Variants in ACBD5 observed in about 807,000 individuals in gnomAD.
ACBD5 encodes acyl-CoA-binding domain-containing protein 5.
Under a neutral mutation model 71.8 loss-of-function variants are expected in ACBD5, and 40 were observed. That is an observed-to-expected ratio of 0.56 (90% confidence interval 0.43 to 0.72). ACBD5 has a LOEUF of 0.72. ACBD5 is among the 30% of genes least tolerant of loss of function. The pLI, the probability that ACBD5 is intolerant of heterozygous loss-of-function variation, is 0.00. For missense variants in ACBD5, 559 were observed against 644.5 expected (o/e 0.87, Z 1.44); for synonymous variants, 229 against 218.6 (o/e 1.05, Z -0.42).
Position 27,211,059 on chromosome 10 carries a change from T to C in ACBD5, c.959A>G (p.Asn320Ser), listed in dbSNP as rs776270021. 8 of 1,614,058 alleles carry C rather than the reference T, an allele frequency of 5.0e-6. No homozygotes were observed. The South Asian group carries it at 7.7e-5, about 16-fold the overall frequency. Residue 320 changes from asparagine (N) to serine (S), a missense_variant, in exon 9 of 13, where the codon AAC becomes AGC. Physicochemically the swap from Asn to Ser is conservative, Grantham distance 46. Coordinates refer to ENST00000396271, the MANE Select transcript of ACBD5 (RefSeq NM_145698.5). ...QEESLDSFTS[N>S]NGPFQYYLGG... is the part of the protein sequence containing the mutation. ...CAAGTAATACTGAAATGGTCCATTGTTGGACGTAAAGCTGTCTAAAGACTA... is the reference window on the plus strand; with the variant it reads ...CAAGTAATACTGAAATGGTCCATTGCTGGACGTAAAGCTGTCTAAAGACTA...
chr10:27,192,742 C>A (rs1467084058), downstream of ACBD5, among the ~76,000 whole-genome samples: 3 of 152,082 alleles, frequency 2.0e-5, no homozygotes, highest in Admixed American at 1.3e-4. Flanking sequence ...GAGGCCGAGG[C>A]GGGTGGATCA....
intron 8 of ACBD5, among the ~76,000 whole-genome samples, chr10:27,213,470 C>T (rs1175503019): frequency 1.3e-5 from 2 of 152,056 alleles, no homozygotes; most frequent in African/African-American, 4.8e-5. Flanking sequence ...AAAAAACAAA[C>T]AAACAAGCCG....
chr10:27,205,215 G>T lies in ACBD5; in HGVS notation c.1438C>A (p.Pro480Thr), dbSNP rs775522108. The change falls in exon 11 of 13, where the codon CCT becomes ACT. Residue 480 changes from proline to threonine, a missense_variant. Physicochemically the swap from Pro to Thr is conservative, Grantham distance 38. Transcript: ENST00000396271. The part of the protein sequence containing the change: ...KSSTSTLQTA[P>T]QPTSQRPSWW... ...TGTCTTACCTGTGAGGTGGGCTGAG[G>T]AGCAGTCTGCAATGTTGATGTTGAT... 1.1e-5 allele frequency: 17 copies of T among 1,613,028 alleles called. No individual in the cohort carries two copies. Among genetic ancestry groups the T allele is most frequent in the Non-Finnish European group, 1.4e-5 (16 of 1,179,616 alleles).
At chr10:27,227,704 C>CTTTA (rs748616696) in intron 4 of ACBD5, among the ~76,000 whole-genome samples, 218 of 152,030 alleles carry the variant, frequency 1.4e-3, no homozygotes, top group Non-Finnish European at 2.4e-3. Flanking sequence ...CAGGTTCCAT[C>CTTTA]TTTATTTATT....
intron 3 of ACBD5, among the ~76,000 whole-genome samples, chr10:27,233,097 C>T (rs2064114361): frequency 6.6e-6 from 1 of 152,094 alleles, no homozygotes; most frequent in African/African-American, 2.4e-5. Flanking sequence ...GGTGAAGAAA[C>T]TGAGCATCAC....
Position 27,220,403 on chromosome 10 carries a change from T to C in ACBD5, c.491-546A>G, listed in dbSNP as rs145051021. The C allele has an allele frequency of 5.2e-3, 805 of 153,600 alleles. 4 individuals are homozygous for C. The highest frequency in any genetic ancestry group is 8.1e-3 in the Non-Finnish European group (562 of 69,092). The allele number at this position is 153,600 out of a possible 1,614,324, so 9.5% of individuals were successfully genotyped here. ...CAAATTGTCCAAGTGGCCAAAGCTA[T>C]ATCCCGAGGGTAAATACATCAGAGC... On this transcript the variant is annotated intron_variant, in intron 5 of 12. Coordinates refer to ENST00000396271, the MANE Select transcript of ACBD5 (RefSeq NM_145698.5).
At chr10:27,187,190 C>G (rs549433343) in intron 13 of ACBD5, among the ~76,000 whole-genome samples, 1 of 152,164 alleles carries the variant, frequency 6.6e-6, no homozygotes, top group African/African-American at 2.4e-5. Context: ...GTCCCAGCTA[C>G]TCTGGAGGCT....
At position 27,197,364 on chromosome 10, in the gene ACBD5, C is replaced by T. The variant is rs1175050657; in HGVS notation, c.*66G>A. 3.3e-6 allele frequency: 5 copies of T among 1,499,358 alleles called. No individual in the cohort carries two copies. In the African/African-American group the frequency reaches 6.9e-5, roughly 21 times the overall value. The allele number at this position is 1,499,358 out of a possible 1,614,324, so 92.9% of individuals were successfully genotyped here. On this transcript the variant is annotated 3_prime_UTR_variant, in exon 13 of 13. Coordinates refer to ENST00000396271, the MANE Select transcript of ACBD5 (RefSeq NM_145698.5). ...ACAAACTAAGATTTTCTTGTGAACA[C>T]CACAATCCAGTTCATTCTGAGGTCA... is the stretch of plus-strand genomic sequence containing the variant.
chr10:27,211,093 A>C lies in ACBD5; in HGVS notation c.937-12T>G. On this transcript the variant is annotated splice_polypyrimidine_tract_variant and intron_variant, in intron 8 of 12. Transcript: ENST00000396271. ...AAGCTGTCTAAAGACTACAAATTAG[A>C]AATGACACTTAGTTAAAAGCTAGAA... 6.2e-7 allele frequency: 1 copy of C among 1,613,916 alleles called. No individual in the cohort carries two copies. The highest frequency in any genetic ancestry group is 2.2e-5 in the East Asian group (1 of 44,888).
intron 13 of ACBD5, among the ~76,000 whole-genome samples, chr10:27,189,319 G>T (rs568846584): frequency 3.3e-5 from 5 of 152,250 alleles, no homozygotes; most frequent in Non-Finnish European, 7.3e-5. Flanking sequence ...GAGCCACCCG[G>T]CCAGCTATAT....
rs770901417 is a variant in ACBD5 at position 27,196,075 on chromosome 10, G to C, written c.*1355C>G. Reference sequence around the variant, plus strand: ...AAATTAGCCAGGCATGGTGGTGCATGCCTGTAATCCCAGCTACTTGGGAGT... The same window carrying C: ...AAATTAGCCAGGCATGGTGGTGCATCCCTGTAATCCCAGCTACTTGGGAGT... On this transcript the variant is annotated 3_prime_UTR_variant, in exon 13 of 13. Coordinates refer to ENST00000396271, the MANE Select transcript of ACBD5 (RefSeq NM_145698.5). The C allele has an allele frequency of 2.3e-6, 1 of 433,968 alleles. No individual in the cohort carries two copies. The highest frequency in any genetic ancestry group is 1.6e-5 in the South Asian group (1 of 61,078). The allele number at this position is 433,968 out of a possible 1,614,324, so 26.9% of individuals were successfully genotyped here. A position where few individuals can be genotyped will look rare whatever the true frequency, so the allele number is the denominator to read the frequency against.
chr10:27,183,340 G>T (rs2058437043), intron 13 of ACBD5, among the ~76,000 whole-genome samples: 1 of 152,150 alleles, frequency 6.6e-6, no homozygotes, highest in African/African-American at 2.4e-5. Flanking sequence ...AGTGCATGCA[G>T]TGGTGTGATC....
At chr10:27,187,621 G>A (rs752888487) in intron 13 of ACBD5, among the ~76,000 whole-genome samples, 9 of 151,708 alleles carry the variant, frequency 5.9e-5, no homozygotes, top group Admixed American at 1.3e-4. Context: ...GTATGGTGAC[G>A]CACACCTGTA....
intron 9 of ACBD5, 31 bp downstream of exon 9, chr10:27,210,783 A>T: frequency 6.2e-7 from 1 of 1,613,916 alleles, no homozygotes; most frequent in Non-Finnish European, 8.5e-7. Flanking sequence ...TAAATCAATA[A>T]AGGTGAGGGA....
At chr10:27,202,916 T>C (rs2060068337) in intron 12 of ACBD5, among the ~76,000 whole-genome samples, 1 of 150,664 alleles carries the variant, frequency 6.6e-6, no homozygotes, top group South Asian at 2.1e-4. Context: ...ATAGGAGGAA[T>C]TGAAAATGTA....
downstream of ACBD5, among the ~76,000 whole-genome samples, chr10:27,194,648 T>G (rs146950311): frequency 0.097 from 14,424 of 148,568 alleles, 2,275 homozygotes; most frequent in African/African-American, 0.33. Flanking sequence ...ATAATAATAA[T>G]AAGATGGTTG....
At chr10:27,237,148 CAA>C (rs59659182) in intron 2 of ACBD5, among the ~76,000 whole-genome samples, 26,868 of 151,806 alleles carry the variant, frequency 0.18, 2,894 homozygotes, top group East Asian at 0.32. Flanking sequence ...TTTAAAACAT[CAA>C]AAGTCTAATC....
chr10:27,218,610 A>C (rs1198360628), intron 6 of ACBD5, among the ~76,000 whole-genome samples: 11 of 151,580 alleles, frequency 7.3e-5, no homozygotes, highest in Non-Finnish European at 1.5e-4. Flanking sequence ...TTTTGAGACA[A>C]AGTCTCGCTC....
At chr10:27,227,371 A>G (rs2063214540) in intron 4 of ACBD5, among the ~76,000 whole-genome samples, 1 of 152,114 alleles carries the variant, frequency 6.6e-6, no homozygotes, top group African/African-American at 2.4e-5. Flanking sequence ...TAAATTCCTC[A>G]GGCTTTTTTG....
Sources: gnomAD v4.1 joint callset for allele counts (sites outside exome capture counted in the v4.1 genomes callset) on GRCh38, gnomAD v4.1.1 for gene constraint, MANE v1.5 for transcripts, NCBI Gene and HGNC (gene_info 2026-07-23, HGNC 2026-07-21) for gene names.